The following NDUFAF2 variants were observed in gnomAD, a reference collection of about 807,000 sequenced individuals.
The protein encoded by NDUFAF2 is NADH dehydrogenase [ubiquinone] 1 alpha subcomplex assembly factor 2.
A neutral mutation model predicts 22.8 loss-of-function variants in NDUFAF2; 13 were observed. The observed-to-expected ratio is 0.57, with a 90% CI of 0.37 to 0.91. The LOEUF (loss-of-function observed/expected upper bound fraction) is 0.91, where lower values mean the gene tolerates loss of function less well. Among genes scored for constraint, NDUFAF2 ranks in the 40% least tolerant of loss-of-function variants. The pLI is 0.01. For missense variants in NDUFAF2, 162 were observed against 195.2 expected (o/e 0.83, Z 1.01); for synonymous variants, 53 against 64.2 (o/e 0.83, Z 0.84).
rs1751543590 is a variant in NDUFAF2 at position 61,018,825 on chromosome 5, A to G, written c.128-54300A>G. Among the ~76,000 whole-genome samples the G allele has an allele frequency of 1.3e-5, 2 of 152,142 alleles. 1 individual carries two copies. Among genetic ancestry groups the G allele is most frequent in the South Asian group, 4.1e-4 (2 of 4,830 alleles). On this transcript the variant is annotated intron_variant, in intron 1 of 3. Coordinates refer to ENST00000296597, the MANE Select transcript of NDUFAF2 (RefSeq NM_174889.5). ...CTAGAGATTATGATTCCATAGGCTT[A>G]TGGATGGTTTAAGAGCCTGCATTTT... is the stretch of plus-strand genomic sequence containing the variant.
At chr5:61,016,600 T>C (rs1751514686) in intron 1 of NDUFAF2, among the ~76,000 whole-genome samples, 1 of 152,198 alleles carries the variant, frequency 6.6e-6, no homozygotes, top group Admixed American at 6.5e-5. Flanking sequence ...TGACAGAGTA[T>C]ATTTCTTAAG....
chr5:61,089,906 T>C (rs1474461529), intron 2 of NDUFAF2, among the ~76,000 whole-genome samples: 3 of 152,054 alleles, frequency 2.0e-5, no homozygotes, highest in African/African-American at 7.2e-5. Context: ...TTGTATTCAA[T>C]TGAAGTATTT....
chr5:60,957,898 T>C, intron 1 of NDUFAF2, among the ~76,000 whole-genome samples: 1 of 152,156 alleles, frequency 6.6e-6, no homozygotes. Context: ...GAAAAACCTG[T>C]ATTTTGTGTA....
intron 3 of NDUFAF2, among the ~76,000 whole-genome samples, chr5:61,130,994 G>A (rs1008351451): frequency 2.0e-5 from 3 of 152,134 alleles, no homozygotes; most frequent in African/African-American, 7.2e-5. Flanking sequence ...CAGATACTAT[G>A]ATGAAAAGAT....
At chr5:61,126,847 G>A (rs1477778865) in intron 3 of NDUFAF2, among the ~76,000 whole-genome samples, 1 of 151,998 alleles carries the variant, frequency 6.6e-6, no homozygotes, top group Non-Finnish European at 1.5e-5. Flanking sequence ...AATGAATCCA[G>A]GAGCTGGTTT....
At chr5:61,094,429 C>T (rs1404393278) in intron 2 of NDUFAF2, among the ~76,000 whole-genome samples, 1 of 152,226 alleles carries the variant, frequency 6.6e-6, no homozygotes, top group Non-Finnish European at 1.5e-5. Context: ...TGGGTTACAA[C>T]ATGCTCCATT....
intron 1 of NDUFAF2, among the ~76,000 whole-genome samples, chr5:61,000,620 G>A (rs893824358): frequency 2.9e-4 from 43 of 150,632 alleles, no homozygotes; most frequent in African/African-American, 1.0e-3. Flanking sequence ...CATTCTTCAG[G>A]TTAACCCTTT....
chr5:61,040,514 C>CT (rs1386145581), intron 1 of NDUFAF2, among the ~76,000 whole-genome samples: 1 of 151,954 alleles, frequency 6.6e-6, no homozygotes, highest in African/African-American at 2.4e-5. Flanking sequence ...CCTAGGAAAC[C>CT]AAAATAGTCA....
At chr5:61,068,165 T>C (rs1289205165) in intron 1 of NDUFAF2, among the ~76,000 whole-genome samples, 1 of 152,168 alleles carries the variant, frequency 6.6e-6, no homozygotes, top group Non-Finnish European at 1.5e-5. Flanking sequence ...CTTGAAGTTC[T>C]GCCTTAATTT....
intron 1 of NDUFAF2, among the ~76,000 whole-genome samples, chr5:61,001,487 C>T (rs752572036): frequency 3.3e-5 from 5 of 152,114 alleles, no homozygotes; most frequent in African/African-American, 7.2e-5. Flanking sequence ...CTTAGGGTTG[C>T]CCTGAAAGTA....
At chr5:61,139,706 C>T (rs1208978133) in intron 3 of NDUFAF2, among the ~76,000 whole-genome samples, 2 of 152,242 alleles carry the variant, frequency 1.3e-5, no homozygotes, top group African/African-American at 2.4e-5. Flanking sequence ...CAAAAACAGC[C>T]TGGAGGCTGA....
chr5:61,121,372 C>A (rs1752974013), intron 3 of NDUFAF2, among the ~76,000 whole-genome samples: 1 of 152,036 alleles, frequency 6.6e-6, no homozygotes, highest in Non-Finnish European at 1.5e-5. Context: ...CTGTGTAATA[C>A]ATTTGGGGCT....
chr5:61,119,502 A>G (rs1011499679), intron 3 of NDUFAF2, among the ~76,000 whole-genome samples: 3 of 152,220 alleles, frequency 2.0e-5, no homozygotes, highest in Non-Finnish European at 4.4e-5. Context: ...ACACAGAAGC[A>G]TGTTTTCAAC....
chr5:60,960,325 A>G (rs1750667941), intron 1 of NDUFAF2, among the ~76,000 whole-genome samples: 1 of 152,046 alleles, frequency 6.6e-6, no homozygotes, highest in South Asian at 2.1e-4. Context: ...ATTTGTTGTG[A>G]CTCGCTGTAT....
At chr5:61,105,488 A>G (rs182894171) in intron 3 of NDUFAF2, among the ~76,000 whole-genome samples, 1 of 151,142 alleles carries the variant, frequency 6.6e-6, no homozygotes, top group Non-Finnish European at 1.5e-5. Flanking sequence ...TTTTAGTAAC[A>G]TAGTGGAAAT....
intron 3 of NDUFAF2, among the ~76,000 whole-genome samples, chr5:61,126,881 C>G (rs1168388989): frequency 6.6e-6 from 1 of 151,744 alleles, no homozygotes; most frequent in African/African-American, 2.4e-5. Context: ...ACAAAATTGA[C>G]AGACCACTAG....
chr5:61,071,156 GTTGTCA>G (rs1448549944), intron 1 of NDUFAF2, among the ~76,000 whole-genome samples: 1 of 152,124 alleles, frequency 6.6e-6, no homozygotes, highest in Non-Finnish European at 1.5e-5. Flanking sequence ...GAGAAATGCA[GTTGTCA>G]TTGTTATATG....
At chr5:60,969,044 C>T (rs965148307) in intron 1 of NDUFAF2, among the ~76,000 whole-genome samples, 1 of 152,060 alleles carries the variant, frequency 6.6e-6, no homozygotes, top group African/African-American at 2.4e-5. Context: ...GACAGGATTG[C>T]ATTCTTTTTT....
At chr5:61,100,539 ACAC>A (rs1752693404) in intron 3 of NDUFAF2, among the ~76,000 whole-genome samples, 2 of 1,426 alleles carry the variant, frequency 1.4e-3, no homozygotes, top group African/African-American at 8.4e-3. Flanking sequence ...TCCCTAATAC[ACAC>A]ACACACACAC....
Sources: gnomAD v4.1 joint callset for allele counts (sites outside exome capture counted in the v4.1 genomes callset) on GRCh38, gnomAD v4.1.1 for gene constraint, MANE v1.5 for transcripts, NCBI Gene and HGNC (gene_info 2026-07-23, HGNC 2026-07-21) for gene names.